The following PALMD variants were observed in gnomAD, a reference collection of about 807,000 sequenced individuals.
PALMD encodes paralemmin-like protein.
Under a neutral mutation model 56.2 loss-of-function variants are expected in PALMD, and 42 were observed. That is an observed-to-expected ratio of 0.75 (90% confidence interval 0.58 to 0.97). PALMD has a LOEUF of 0.97. Ranked by LOEUF, PALMD falls within the 50% of genes least tolerant of loss-of-function variation. The probability of loss-of-function intolerance (pLI) is 0.00; values close to 1 mark genes in which losing one functional copy is unlikely to be tolerated. For synonymous variants in PALMD, 242 were observed against 222.9 expected, an observed-to-expected ratio of 1.09 and a Z score of -0.76; for missense variants, 660 against 643.8, an observed-to-expected ratio of 1.03 and a Z score of -0.27.
chr1:99,679,365 A>G (rs548060099), intron 3 of PALMD, among the ~76,000 whole-genome samples: 2 of 152,336 alleles, frequency 1.3e-5, no homozygotes, highest in East Asian at 3.9e-4. Flanking sequence ...AAGTCTTGCT[A>G]TAAAGTGGCA....
At chr1:99,663,602 A>G (rs1258070401) in intron 2 of PALMD, among the ~76,000 whole-genome samples, 1 of 151,814 alleles carries the variant, frequency 6.6e-6, no homozygotes, top group Non-Finnish European at 1.5e-5. Context: ...ACACACACAC[A>G]ATCACACACA....
At chr1:99,686,190 T>C (rs1257529168) in intron 3 of PALMD, 1 of 152,186 alleles carries the variant, frequency 6.6e-6, no homozygotes, top group East Asian at 1.9e-4. Context: ...TGGTAGAATA[T>C]GCAAGAATTT....
chr1:99,693,980 T>C (rs78415664), intron 7 of PALMD, 39 bp from the exon 8 acceptor site: 10 of 1,482,312 alleles, frequency 6.7e-6, no homozygotes, highest in Middle Eastern at 1.8e-4. Context: ...AAATTGAGGA[T>C]TTTTTTTATA....
intron 7 of PALMD, among the ~76,000 whole-genome samples, chr1:99,691,215 T>C (rs567507366): frequency 2.8e-4 from 42 of 152,122 alleles, no homozygotes; most frequent in Non-Finnish European, 5.1e-4. Context: ...CACAGAAGAC[T>C]TAGAAGAGAG....
At chr1:99,661,290 C>T (rs928978467) in intron 1 of PALMD, among the ~76,000 whole-genome samples, 5 of 152,096 alleles carry the variant, frequency 3.3e-5, no homozygotes, top group Middle Eastern at 3.2e-3. Context: ...GACCTTTTTG[C>T]ATAACTAGTC....
chr1:99,678,263 C>G (rs1234579101), intron 3 of PALMD, among the ~76,000 whole-genome samples: 1 of 151,970 alleles, frequency 6.6e-6, no homozygotes, highest in Non-Finnish European at 1.5e-5. Context: ...TGCCACCATG[C>G]CCAGCTAATT....
In PALMD at chr1:99,687,180, A is replaced by C. The variant is rs144971312; in HGVS notation, c.505A>C (p.Asn169His). 2.1e-3 allele frequency: 3,445 copies of C among 1,602,722 alleles called. 5 individuals carry two copies. Among genetic ancestry groups the C allele is most frequent in the Non-Finnish European group, 2.6e-3 (3,055 of 1,173,560 alleles). ...TGAAGAAAAAGAAGATGATGAACAA[A>C]ATAGGAAAGGTATATGAGAAATCTG... ...INEEKEDDEQ[N>H]RKALYAMEIK... Residue 169 changes from asparagine to histidine, a missense_variant, in exon 6 of 8, where the codon AAT becomes CAT. Asn to His is a moderately conservative substitution (Grantham distance 68). Coordinates refer to ENST00000263174, the MANE Select transcript of PALMD (RefSeq NM_017734.5).
intron 1 of PALMD, among the ~76,000 whole-genome samples, chr1:99,655,949 T>TGC (rs1652715757): frequency 3.1e-5 from 1 of 31,882 alleles, no homozygotes; most frequent in East Asian, 9.1e-4. Flanking sequence ...CACACACACA[T>TGC]GCACACACAC....
intron 1 of PALMD, among the ~76,000 whole-genome samples, chr1:99,647,892 C>G (rs753552517): frequency 1.3e-5 from 2 of 152,188 alleles, no homozygotes; most frequent in Non-Finnish European, 2.9e-5. Context: ...ATAACTCTTA[C>G]CAAAGCCACA....
intron 1 of PALMD, among the ~76,000 whole-genome samples, chr1:99,652,905 A>G (rs1652629280): frequency 6.6e-6 from 1 of 152,168 alleles, no homozygotes; most frequent in South Asian, 2.1e-4. Flanking sequence ...TTTGCAAGGA[A>G]TAGAAGTGGG....
chr1:99,670,756 C>A (rs866379946), intron 3 of PALMD, among the ~76,000 whole-genome samples: 4 of 152,218 alleles, frequency 2.6e-5, no homozygotes, highest in Admixed American at 2.6e-4. Flanking sequence ...AAGCAACACA[C>A]AGAGAAAAAA....
chr1:99,648,040 T>C (rs534667454), intron 1 of PALMD, among the ~76,000 whole-genome samples: 102 of 152,212 alleles, frequency 6.7e-4, no homozygotes, highest in Non-Finnish European at 1.1e-3. Flanking sequence ...GCTTCCTGAA[T>C]ATGCAGATGT....
chr1:99,663,025 T>C, intron 2 of PALMD, among the ~76,000 whole-genome samples: 1 of 152,176 alleles, frequency 6.6e-6, no homozygotes. Flanking sequence ...AGTGACAGGA[T>C]GCAAGCAAAT....
intron 3 of PALMD, among the ~76,000 whole-genome samples, chr1:99,680,190 T>C (rs1449529149): frequency 6.6e-6 from 1 of 152,122 alleles, no homozygotes; most frequent in Non-Finnish European, 1.5e-5. Flanking sequence ...GCATCCAGCA[T>C]TTATGTGCTG....
chr1:99,649,056 G>C (rs1259501321), intron 1 of PALMD, among the ~76,000 whole-genome samples: 1 of 152,134 alleles, frequency 6.6e-6, no homozygotes, highest in Non-Finnish European at 1.5e-5. Flanking sequence ...AAGAGAATAA[G>C]AGCAAAATTA....
intron 3 of PALMD, among the ~76,000 whole-genome samples, chr1:99,675,015 T>C (rs539779935): frequency 7.9e-5 from 12 of 152,368 alleles, no homozygotes; most frequent in African/African-American, 2.9e-4. Context: ...ATCTTTTGTC[T>C]GCCATAAGGC....
chr1:99,652,676 AAAGGAAAGGAAAGGAAAG>A (rs1652616158), intron 1 of PALMD, among the ~76,000 whole-genome samples: 1 of 96,540 alleles, frequency 1.0e-5, no homozygotes, highest in African/African-American at 4.4e-5. Flanking sequence ...AAAGGAAAGG[AAAGGAAAGGAAAGGAAAG>A]GAAAAGAAAA....
At chr1:99,663,741 T>C (rs1048148931) in intron 2 of PALMD, among the ~76,000 whole-genome samples, 2 of 152,160 alleles carry the variant, frequency 1.3e-5, no homozygotes, top group Non-Finnish European at 2.9e-5. Context: ...ACAGTGGAGC[T>C]CACAGTAGAA....
chr1:99,689,822 C>T lies in PALMD; in HGVS notation c.1562C>T (p.Pro521Leu), dbSNP rs1056539780. Residue 521 changes from proline (P) to leucine (L), a missense_variant, in exon 7 of 8, where the codon CCA becomes CTA. Pro to Leu is a moderately conservative substitution (Grantham distance 98, BLOSUM62 -3). Transcript: ENST00000263174. ...ESLGSPVHHS[P>L]FDAQTTGDGT... Reference sequence around the variant, plus strand: ...TTAGGCAGCCCTGTCCACCATTCCCCATTTGATGCTCAGACAACTGGAGAT... The same window carrying T: ...TTAGGCAGCCCTGTCCACCATTCCCTATTTGATGCTCAGACAACTGGAGAT... The T allele has an allele frequency of 2.5e-6, 4 of 1,612,690 alleles. No individual in the cohort carries two copies. The African/African-American group carries it at 4.0e-5, about 16-fold the overall frequency.
Sources: allele counts gnomAD v4.1 joint callset (sites outside exome capture counted in the v4.1 genomes callset), GRCh38; gene constraint gnomAD v4.1.1; transcripts MANE v1.5; gene names NCBI Gene and HGNC (gene_info 2026-07-23, HGNC 2026-07-21).